Variants in IL1RAPL1 observed in about 807,000 individuals in gnomAD.
The protein encoded by IL1RAPL1 is interleukin 1 receptor accessory protein like 1.
IL1RAPL1 carries 3 observed loss-of-function variants against 48.4 expected under a neutral mutation model. That is an observed-to-expected ratio of 0.06 (90% CI 0.03 to 0.16). The LOEUF is 0.16. Ranked by LOEUF, IL1RAPL1 falls within the 10% of genes least tolerant of loss-of-function variation. The pLI is 1.00. For missense variants in IL1RAPL1, 349 were observed against 530.6 expected, an observed-to-expected ratio of 0.66 and a Z score of 3.36; for synonymous variants, 185 against 187.7, an observed-to-expected ratio of 0.99 and a Z score of 0.12.
intron 5 of IL1RAPL1, among the ~76,000 whole-genome samples, chrX:29,659,145 G>T (rs1925768995): frequency 8.9e-6 from 1 of 111,857 alleles, no homozygotes; most frequent in African/African-American, 3.2e-5. Flanking sequence ...AGTTCAAATT[G>T]TACTACACAG....
intron 1 of IL1RAPL1, among the ~76,000 whole-genome samples, chrX:28,730,200 A>AT (rs777728388): frequency 4.7e-4 from 53 of 111,774 alleles, no homozygotes; most frequent in Non-Finnish European, 7.5e-5. Flanking sequence ...AAGGAAAACA[A>AT]TGACAACTTT....
intron 2 of IL1RAPL1, among the ~76,000 whole-genome samples, chrX:28,938,207 C>G (rs984427037): frequency 4.5e-5 from 5 of 110,920 alleles, no homozygotes; most frequent in African/African-American, 1.6e-4. Flanking sequence ...TCCAAATAGC[C>G]AAGACAATCC....
chrX:28,865,177 C>T (rs1167649164), intron 2 of IL1RAPL1, among the ~76,000 whole-genome samples: 2 of 111,841 alleles, frequency 1.8e-5, no homozygotes, highest in African/African-American at 6.5e-5. Flanking sequence ...GTGGCTCATG[C>T]CTGTAATCCC....
intron 5 of IL1RAPL1, among the ~76,000 whole-genome samples, chrX:29,540,168 C>T (rs1260687581): frequency 9.0e-6 from 1 of 110,743 alleles, no homozygotes; most frequent in East Asian, 2.8e-4. Flanking sequence ...AAGGAGGCAA[C>T]CCCATTTTCA....
intron 2 of IL1RAPL1, among the ~76,000 whole-genome samples, chrX:28,860,927 G>A (rs1004890054): frequency 8.1e-5 from 9 of 110,592 alleles, no homozygotes; most frequent in Admixed American, 1.9e-4. Context: ...AAACATTTAC[G>A]TTAGCCATGT....
intron 6 of IL1RAPL1, among the ~76,000 whole-genome samples, chrX:29,857,081 T>C (rs1931491003): frequency 9.0e-6 from 1 of 111,436 alleles, no homozygotes; most frequent in Non-Finnish European, 1.9e-5. Context: ...CCCTCTCAGC[T>C]TCACTTGAAA....
Position 29,704,246 on chromosome X carries a change from A to T in IL1RAPL1, c.778+35742A>T, listed in dbSNP as rs1206720444. Among the ~76,000 whole-genome samples, 4 of 111,491 alleles carry T rather than the reference A, an allele frequency of 3.6e-5. No homozygotes were observed. The Admixed American group carries it at 3.8e-4, about 11-fold the overall frequency. On this transcript the variant is annotated intron_variant, in intron 6 of 10. Coordinates refer to ENST00000378993, the MANE Select transcript of IL1RAPL1 (RefSeq NM_014271.4). ...TGCCTAGCCTGTCTTTTTAATGTCA[A>T]TTATAGATATCTTAAAAGAAGTTTC...
At chrX:29,370,130 TTC>T (rs1466538623) in intron 3 of IL1RAPL1, among the ~76,000 whole-genome samples, 3 of 112,129 alleles carry the variant, frequency 2.7e-5, no homozygotes, top group Non-Finnish European at 5.6e-5. Context: ...AATACAATTT[TTC>T]TCTGTTTTAC....
intron 3 of IL1RAPL1, among the ~76,000 whole-genome samples, chrX:29,335,675 A>T (rs780565415): frequency 1.7e-4 from 19 of 111,419 alleles, no homozygotes; most frequent in African/African-American, 5.5e-4. Flanking sequence ...ATTAGAGGAA[A>T]TAAGCAAGTC....
chrX:28,746,850 A>G (rs750334497), intron 1 of IL1RAPL1, among the ~76,000 whole-genome samples: 2 of 111,674 alleles, frequency 1.8e-5, no homozygotes, highest in East Asian at 5.7e-4. Context: ...TTCAGTTCAT[A>G]TGTCTGTTTT....
intron 2 of IL1RAPL1, among the ~76,000 whole-genome samples, chrX:29,008,724 G>C (rs1294205732): frequency 1.8e-5 from 2 of 110,246 alleles, no homozygotes; most frequent in African/African-American, 6.6e-5. Context: ...TTTTACCTGG[G>C]TATATTGTAT....
At chrX:29,594,417 A>G (rs1049128441) in intron 5 of IL1RAPL1, among the ~76,000 whole-genome samples, 2 of 111,569 alleles carry the variant, frequency 1.8e-5, no homozygotes, top group African/African-American at 6.5e-5. Flanking sequence ...TCTCAAATTA[A>G]AGGAGCCCTG....
At chrX:29,613,759 T>G (rs867302784) in intron 5 of IL1RAPL1, among the ~76,000 whole-genome samples, 37 of 68,833 alleles carry the variant, frequency 5.4e-4, no homozygotes, top group East Asian at 1.0e-3. Context: ...GTGTGTGTGT[T>G]TCTTTTTTTT....
chrX:28,729,205 A>T (rs1434851463), intron 1 of IL1RAPL1, among the ~76,000 whole-genome samples: 1 of 111,846 alleles, frequency 8.9e-6, no homozygotes, highest in Non-Finnish European at 1.9e-5. Flanking sequence ...TTAAAAAATT[A>T]TATGTATAAA....
intron 10 of IL1RAPL1, 34 bp from the exon 11 acceptor site, chrX:29,955,068 C>A (rs1338399869): frequency 2.7e-6 from 3 of 1,127,903 alleles, no homozygotes; most frequent in African/African-American, 3.6e-5. Context: ...ATTTTCCATT[C>A]ACTCATTTTG....
chrX:28,828,530 A>G (rs140109284), intron 2 of IL1RAPL1, among the ~76,000 whole-genome samples: 1,799 of 111,871 alleles, frequency 0.016, 18 homozygotes, highest in Middle Eastern at 0.032. Flanking sequence ...CTTGTTAGCC[A>G]TATCAAAAAT....
At chrX:28,610,793 G>A (rs1206275330) in intron 1 of IL1RAPL1, among the ~76,000 whole-genome samples, 1 of 110,745 alleles carries the variant, frequency 9.0e-6, no homozygotes, top group African/African-American at 3.3e-5. Context: ...AATTCAGTAG[G>A]TCTGCGGTGG....
At chrX:29,737,134 G>A (rs1393704563) in intron 6 of IL1RAPL1, among the ~76,000 whole-genome samples, 2 of 111,833 alleles carry the variant, frequency 1.8e-5, no homozygotes, top group African/African-American at 3.3e-5. Flanking sequence ...TTCATCTTCC[G>A]CTCTGTTTAA....
chrX:29,198,944 C>T (rs996436025), intron 2 of IL1RAPL1, among the ~76,000 whole-genome samples: 3 of 111,504 alleles, frequency 2.7e-5, no homozygotes, highest in South Asian at 3.7e-4. Flanking sequence ...AGGATAGTTG[C>T]GTTTTACTCT....
Sources: gnomAD v4.1 joint callset for allele counts (sites outside exome capture counted in the v4.1 genomes callset) on GRCh38, gnomAD v4.1.1 for gene constraint, MANE v1.5 for transcripts, NCBI Gene and HGNC (gene_info 2026-07-23, HGNC 2026-07-21) for gene names.